Variants in SKAP2 observed in about 807,000 individuals in gnomAD.
The protein encoded by SKAP2 is src kinase-associated phosphoprotein 2.
Under a neutral mutation model 54.9 loss-of-function variants are expected in SKAP2, and 28 were observed. The ratio of observed to expected loss-of-function variants is 0.51; its 90% CI spans 0.38 to 0.70. SKAP2 has a LOEUF of 0.70. Ranked by LOEUF, SKAP2 falls within the 30% of genes least tolerant of loss-of-function variation. SKAP2 has a pLI of 0.00. For missense variants in SKAP2, 356 were observed against 424.1 expected (o/e 0.84, Z 1.41); for synonymous variants, 137 against 134.3 (o/e 1.02, Z -0.14).
intron 4 of SKAP2, among the ~76,000 whole-genome samples, chr7:26,840,287 A>G (rs1322880889): frequency 6.6e-6 from 1 of 152,096 alleles, no homozygotes; most frequent in Non-Finnish European, 1.5e-5. Flanking sequence ...CAGATTTGTA[A>G]CATACATCTA....
intron 4 of SKAP2, among the ~76,000 whole-genome samples, chr7:26,773,386 T>A: frequency 6.6e-6 from 1 of 151,948 alleles, no homozygotes; most frequent in East Asian, 1.9e-4. Flanking sequence ...AAGTTAGCAT[T>A]TGCCTTAGGT....
chr7:26,683,068 C>T (rs1786541509), intron 11 of SKAP2, among the ~76,000 whole-genome samples: 1 of 152,126 alleles, frequency 6.6e-6, no homozygotes, highest in African/African-American at 2.4e-5. Flanking sequence ...AGTATAATAG[C>T]TATATGCCAC....
intron 9 of SKAP2, among the ~76,000 whole-genome samples, chr7:26,719,123 C>T (rs1182900236): frequency 6.6e-6 from 1 of 152,034 alleles, no homozygotes; most frequent in Non-Finnish European, 1.5e-5. Flanking sequence ...TGCAGTGAGC[C>T]ATGAATGCAC....
chr7:26,851,607 C>T (rs1562635907), intron 3 of SKAP2, among the ~76,000 whole-genome samples: 1 of 151,650 alleles, frequency 6.6e-6, no homozygotes, highest in Non-Finnish European at 1.5e-5. Context: ...AGGAGATATA[C>T]CTAATGTAAA....
intron 4 of SKAP2, among the ~76,000 whole-genome samples, chr7:26,835,130 C>T (rs571856120): frequency 2.6e-5 from 4 of 152,102 alleles, no homozygotes; most frequent in South Asian, 2.1e-4. Context: ...AAAAGGCCTT[C>T]GATAAAATTC....
At chr7:26,804,011 G>T (rs527796094) in intron 4 of SKAP2, among the ~76,000 whole-genome samples, 1 of 152,140 alleles carries the variant, frequency 6.6e-6, no homozygotes, top group South Asian at 2.1e-4. Flanking sequence ...TAATGGGTAT[G>T]AAAAAAATAG....
intron 4 of SKAP2, among the ~76,000 whole-genome samples, chr7:26,824,047 A>ATT (rs376254529): frequency 5.9e-5 from 9 of 152,204 alleles, no homozygotes; most frequent in African/African-American, 2.2e-4. Context: ...CCATGGGTAA[A>ATT]ATGGTAGCAA....
At chr7:26,688,006 A>C (rs1786686106) in intron 10 of SKAP2, among the ~76,000 whole-genome samples, 1 of 152,150 alleles carries the variant, frequency 6.6e-6, no homozygotes, top group African/African-American at 2.4e-5. Flanking sequence ...AAAGAAAAAA[A>C]TTAATTAGCC....
chr7:26,846,281 A>G (rs1784918822), intron 3 of SKAP2, among the ~76,000 whole-genome samples: 2 of 152,150 alleles, frequency 1.3e-5, no homozygotes, highest in African/African-American at 4.8e-5. Context: ...GTGAAACCAA[A>G]TAATATATAG....
intron 6 of SKAP2, among the ~76,000 whole-genome samples, chr7:26,734,990 C>T (rs1381237850): frequency 6.6e-6 from 1 of 152,176 alleles, no homozygotes; most frequent in African/African-American, 2.4e-5. Flanking sequence ...TCTTCCCTAA[C>T]TTCCCTAGGC....
At chr7:26,783,876 G>T (rs1783479658) in intron 4 of SKAP2, among the ~76,000 whole-genome samples, 1 of 151,708 alleles carries the variant, frequency 6.6e-6, no homozygotes, top group Admixed American at 6.6e-5. Context: ...ACACCAGCAT[G>T]GCACATGTAT....
intron 4 of SKAP2, among the ~76,000 whole-genome samples, chr7:26,747,169 T>A (rs569189451): frequency 6.6e-6 from 1 of 152,194 alleles, no homozygotes; most frequent in African/African-American, 2.4e-5. Flanking sequence ...AAAAAGCTTG[T>A]TTTCTCATCG....
chr7:26,752,632 C>A (rs1455541880), intron 4 of SKAP2, among the ~76,000 whole-genome samples: 1 of 152,166 alleles, frequency 6.6e-6, no homozygotes, highest in Non-Finnish European at 1.5e-5. Flanking sequence ...CCATTCTCTG[C>A]AAGAAGGTAA....
At chr7:26,808,207 A>T (rs1001273268) in intron 4 of SKAP2, among the ~76,000 whole-genome samples, 2 of 152,234 alleles carry the variant, frequency 1.3e-5, no homozygotes, top group Non-Finnish European at 2.9e-5. Context: ...AAAAGATGGA[A>T]ATAACCCAAA....
At position 26,864,454 on chromosome 7, in the gene SKAP2, G is replaced by C; in HGVS notation, c.-25C>G. 1 of 1,588,358 alleles carries C rather than the reference G, an allele frequency of 6.3e-7. No homozygotes were observed. The highest frequency in any genetic ancestry group is 8.6e-7 in the Non-Finnish European group (1 of 1,167,000). On this transcript the variant is annotated 5_prime_UTR_variant, in exon 1 of 13. Coordinates refer to ENST00000345317, the MANE Select transcript of SKAP2 (RefSeq NM_003930.5). ...TGTTAGGGAGCGCAGGGCGTGCGGGGAAAGGACCTGCGCTGAAAAGGTGAC... is the reference window on the plus strand; with the variant it reads ...TGTTAGGGAGCGCAGGGCGTGCGGGCAAAGGACCTGCGCTGAAAAGGTGAC...
intron 9 of SKAP2, among the ~76,000 whole-genome samples, chr7:26,696,206 C>CAGAAACAA (rs765418027): frequency 7.9e-5 from 12 of 152,082 alleles, no homozygotes; most frequent in Non-Finnish European, 1.5e-4. Context: ...ATTCAATAGA[C>CAGAAACAA]TATTATTTTA....
intron 9 of SKAP2, among the ~76,000 whole-genome samples, chr7:26,693,970 T>TA (rs1168913270): frequency 6.6e-6 from 1 of 152,036 alleles, no homozygotes; most frequent in African/African-American, 2.4e-5. Flanking sequence ...ACAAATGGAT[T>TA]AAAAAAATCA....
At chr7:26,845,245 C>T (rs989119426) in intron 3 of SKAP2, among the ~76,000 whole-genome samples, 2 of 152,198 alleles carry the variant, frequency 1.3e-5, no homozygotes, top group Non-Finnish European at 2.9e-5. Flanking sequence ...AAAAGGGTAT[C>T]TTTGTCCTCT....
At chr7:26,663,513 TAAAC>T (rs1241219873), downstream of SKAP2, among the ~76,000 whole-genome samples, 3 of 152,136 alleles carry the variant, frequency 2.0e-5, no homozygotes, top group Admixed American at 6.6e-5. Context: ...AAATTCTTCT[TAAAC>T]AAATTCATAT....
Sources: allele counts gnomAD v4.1 joint callset (sites outside exome capture counted in the v4.1 genomes callset), GRCh38; gene constraint gnomAD v4.1.1; transcripts MANE v1.5; gene names NCBI Gene and HGNC (gene_info 2026-07-23, HGNC 2026-07-21).